The following FPR1 variants were observed in gnomAD, a reference collection of about 807,000 sequenced individuals.
FPR1 encodes N-formyl peptide receptor 1.
For synonymous variants in FPR1, 193 were observed against 176.7 expected (o/e 1.09, Z -0.73); for missense variants, 407 against 453.0 (o/e 0.90, Z 0.92).
At chr19:51,751,561 T>G (rs1318099835) in intron 1 of FPR1, among the ~76,000 whole-genome samples, 1 of 152,090 alleles carries the variant, frequency 6.6e-6, no homozygotes, top group African/African-American at 2.4e-5. Flanking sequence ...TTTTGTATTT[T>G]TAATAGAAGT....
Position 51,746,357 on chromosome 19 carries a change from G to A in FPR1, c.638C>T (p.Pro213Leu). ...ATAACTGACAGCAACGATGGACATG[G>A]GTGCGCTGAAGCCAATGATGAACCG... is the stretch of plus-strand genomic sequence containing the variant. ...IIRFIIGFSA[P>L]MSIVAVSYGL... The change falls in exon 2 of 2, where the codon CCC becomes CTC. Residue 213 changes from proline to leucine, a missense_variant. Coordinates refer to ENST00000304748, the MANE Select transcript of FPR1 (RefSeq NM_002029.4). This position sits in a 1 kb window ranked among gnomAD's most constrained non-coding sequence, Gnocchi z 4.3. The A allele has an allele frequency of 1.2e-6, 2 of 1,614,152 alleles. No individual in the cohort carries two copies. The highest frequency in any genetic ancestry group is 1.7e-6 in the Non-Finnish European group (2 of 1,180,026).
intron 1 of FPR1, among the ~76,000 whole-genome samples, chr19:51,747,614 A>G (rs1207259075): frequency 6.7e-6 from 1 of 149,386 alleles, no homozygotes; most frequent in Non-Finnish European, 1.5e-5. Context: ...TTGACCTCCA[A>G]GAGGAGAATA....
chr19:51,750,023 G>C (rs1220726659), intron 1 of FPR1, among the ~76,000 whole-genome samples: 1 of 152,134 alleles, frequency 6.6e-6, no homozygotes, highest in African/African-American at 2.4e-5. Flanking sequence ...GTTACTATGA[G>C]GGTCACTGTC....
chr19:51,748,841 C>T lies in FPR1; in HGVS notation c.-11-1836G>A, dbSNP rs553524383. Among the ~76,000 whole-genome samples, 10 of 152,246 alleles carry T rather than the reference C, an allele frequency of 6.6e-5. No homozygotes were observed. In the South Asian group the frequency reaches 1.7e-3, roughly 25 times the overall value. On this transcript the variant is annotated intron_variant, in intron 1 of 1. Coordinates refer to ENST00000304748, the MANE Select transcript of FPR1 (RefSeq NM_002029.4). Reference sequence around the variant, plus strand: ...CATAAGATATCAGAAAATCAGTGGGCGACAGCTTCAGTGACCTAGTGTCAC... The same window carrying T: ...CATAAGATATCAGAAAATCAGTGGGTGACAGCTTCAGTGACCTAGTGTCAC...
downstream of FPR1, chr19:51,745,646 AC>A (rs2083737741): frequency 2.9e-6 from 1 of 340,476 alleles, no homozygotes. Flanking sequence ...ATAATTCAGG[AC>A]TAATAATAAT....
At chr19:51,749,558 A>T (rs1568638737) in intron 1 of FPR1, among the ~76,000 whole-genome samples, 2 of 152,212 alleles carry the variant, frequency 1.3e-5, no homozygotes. Flanking sequence ...ATAATAGTCC[A>T]AATATGTATT....
Position 51,746,051 on chromosome 19 carries a change from G to T in FPR1, c.944C>A (p.Ala315Asp). Residue 315 changes from alanine to aspartate, a missense_variant, in exon 2 of 2, where the codon GCC (alanine) becomes GAC (aspartate). Ala to Asp is a moderately radical substitution (Grantham distance 126). Coordinates refer to ENST00000304748, the MANE Select transcript of FPR1 (RefSeq NM_002029.4). This position sits in a 1 kb window ranked among gnomAD's most constrained non-coding sequence, Gnocchi z 4.3. The part of the protein sequence containing the change: ...GQDFRERLIH[A>D]LPASLERALT... ...GGCCCTCTCCAGACTGGCGGGAAGG[G>T]CGTGGATCAGCCTCTCCCGGAAGTC... is the stretch of plus-strand genomic sequence containing the variant. 1 of 1,614,166 alleles carries T rather than the reference G, an allele frequency of 6.2e-7. No individual in the cohort carries two copies. The highest frequency in any genetic ancestry group is 8.5e-7 in the Non-Finnish European group (1 of 1,180,034).
At chr19:51,747,335 C>T (rs1599807637) in intron 1 of FPR1, among the ~76,000 whole-genome samples, 2 of 151,894 alleles carry the variant, frequency 1.3e-5, no homozygotes, top group Admixed American at 6.6e-5. Context: ...CCTGCCTCAG[C>T]GTCCTGAGTA....
chr19:51,748,072 G>GA (rs1429792244), intron 1 of FPR1, among the ~76,000 whole-genome samples: 2 of 152,136 alleles, frequency 1.3e-5, no homozygotes, highest in African/African-American at 4.8e-5. Context: ...AGGCTCACTT[G>GA]AGCCCAGGAA....
chr19:51,748,553 C>T (rs1347353548), intron 1 of FPR1, among the ~76,000 whole-genome samples: 2 of 152,192 alleles, frequency 1.3e-5, no homozygotes, highest in Non-Finnish European at 2.9e-5. Flanking sequence ...CTCCGCCTCC[C>T]GCGTTTAAGT....
At chr19:51,748,721 A>C (rs2083762859) in intron 1 of FPR1, among the ~76,000 whole-genome samples, 1 of 152,150 alleles carries the variant, frequency 6.6e-6, no homozygotes, top group Non-Finnish European at 1.5e-5. Flanking sequence ...TCGGCGTCCC[A>C]AAGTGCTGAG....
At chr19:51,747,732 T>A (rs1014907370) in intron 1 of FPR1, among the ~76,000 whole-genome samples, 5 of 152,204 alleles carry the variant, frequency 3.3e-5, no homozygotes, top group African/African-American at 1.2e-4. Context: ...CATCAACAGA[T>A]GAATGGATAA....
rs201142259 is a variant in FPR1 at position 51,747,097 on chromosome 19, C to A, written c.-11-92G>T. ...TTCTGCCCCTGCCAGTTTTCCCACT[C>A]CTAGCTTTCTCACCTTCCCCTAGAG... On this transcript the variant is annotated intron_variant, in intron 1 of 1. Coordinates refer to ENST00000304748, the MANE Select transcript of FPR1 (RefSeq NM_002029.4). 1.4e-4 allele frequency: 135 copies of A among 951,332 alleles called. No homozygotes were observed. In the East Asian group the frequency reaches 3.4e-3, roughly 24 times the overall value. The allele number at this position is 951,332 out of a possible 1,614,324, so 58.9% of individuals were successfully genotyped here. A position where few individuals can be genotyped will look rare whatever the true frequency, so the allele number is the denominator to read the frequency against.
downstream of FPR1, chr19:51,745,763 A>G (rs1004587675): frequency 1.7e-6 from 1 of 573,164 alleles, no homozygotes; most frequent in Non-Finnish European, 3.1e-6. Context: ...ATCAAAAAAG[A>G]AGTCAATAAT....
In FPR1 at chr19:51,746,618, C is replaced by G. The variant is rs2083747833; in HGVS notation, c.377G>C (p.Cys126Ser). The G allele has an allele frequency of 1.2e-6, 2 of 1,614,096 alleles. No individual in the cohort carries two copies. Among genetic ancestry groups the G allele is most frequent in the African/African-American group, 2.7e-5 (2 of 75,000 alleles). Residue 126 changes from cysteine (C) to serine (S), a missense_variant, in exon 2 of 2, where the codon TGC becomes TCC. Cys to Ser is a moderately radical substitution (Grantham distance 112). Coordinates refer to ENST00000304748, the MANE Select transcript of FPR1 (RefSeq NM_002029.4). This position sits in a 1 kb window ranked among gnomAD's most constrained non-coding sequence, Gnocchi z 4.3. ...CTGGGTCCAGACTGGATGCAGGACG[C>G]AAACACAGCGGTCCAGAGCAATGAG... ...IALIALDRCV[C>S]VLHPVWTQNH...
chr19:51,746,468 C>G lies in FPR1; in HGVS notation c.527G>C (p.Cys176Ser). 1 of 1,614,148 alleles carries G rather than the reference C, an allele frequency of 6.2e-7. No homozygotes were observed. Among genetic ancestry groups the G allele is most frequent in the Non-Finnish European group, 8.5e-7 (1 of 1,180,026 alleles). Residue 176 changes from cysteine (C) to serine (S), a missense_variant, in exon 2 of 2, where the codon TGC (cysteine) becomes TCC (serine). Physicochemically the swap from Cys to Ser is moderately radical, Grantham distance 112 (BLOSUM62 -1). Transcript: ENST00000304748. The surrounding 1 kb of genome is among the most constrained non-coding windows in gnomAD (Gnocchi z 4.3). ...TVPGKTGTVA[C>S]TFNFSPWTND... is the part of the protein sequence containing the mutation. ...GGTCCAGGGCGAAAAGTTAAAAGTG[C>G]AGGCTACTGTCCCCGTTTTACCAGG...
At chr19:51,747,728 C>T (rs77107339) in intron 1 of FPR1, among the ~76,000 whole-genome samples, 17,469 of 152,224 alleles carry the variant, frequency 0.11, 1,037 homozygotes, top group South Asian at 0.21. Flanking sequence ...TGTCCATCAA[C>T]AGATGAATGG....
At chr19:51,748,221 C>T (rs918860016) in intron 1 of FPR1, among the ~76,000 whole-genome samples, 2 of 152,234 alleles carry the variant, frequency 1.3e-5, no homozygotes, top group Middle Eastern at 3.4e-3. Context: ...GAAGACACCA[C>T]AAGTCACATT....
Position 51,746,489 on chromosome 19 carries a change from C to G in FPR1, c.506G>C (p.Gly169Ala). The G allele has an allele frequency of 6.2e-7, 1 of 1,614,170 alleles. No homozygotes were observed. The highest frequency in any genetic ancestry group is 8.5e-7 in the Non-Finnish European group (1 of 1,180,040). ...PVIIRVTTVPGKTGTVACTFN... is the reference protein window; with the variant it reads ...PVIIRVTTVPAKTGTVACTFN... ...AGTGCAGGCTACTGTCCCCGTTTTACCAGGTACTGTAGTCACACGAATGAT... is the reference window on the plus strand; with the variant it reads ...AGTGCAGGCTACTGTCCCCGTTTTAGCAGGTACTGTAGTCACACGAATGAT... Residue 169 changes from glycine (G) to alanine (A), a missense_variant, in exon 2 of 2, where the codon GGT becomes GCT. By Grantham distance (60) the Gly-to-Ala change is moderately conservative. Coordinates refer to ENST00000304748, the MANE Select transcript of FPR1 (RefSeq NM_002029.4). This position sits in a 1 kb window ranked among gnomAD's most constrained non-coding sequence, Gnocchi z 4.3.
Sources: allele counts gnomAD v4.1 joint callset (sites outside exome capture counted in the v4.1 genomes callset), GRCh38; gene constraint gnomAD v4.1.1; non-coding constraint Gnocchi (gnomAD v3.1); transcripts MANE v1.5; gene names NCBI Gene and HGNC (gene_info 2026-07-23, HGNC 2026-07-21).